Variants in PTPRK observed in about 807,000 individuals in gnomAD.
PTPRK encodes protein tyrosine phosphatase receptor type K.
A neutral mutation model predicts 178.0 loss-of-function variants in PTPRK; 75 were observed. That is an observed-to-expected ratio of 0.42 (90% confidence interval 0.35 to 0.51). The LOEUF (loss-of-function observed/expected upper bound fraction) is 0.51, where lower values mean the gene tolerates loss of function less well. PTPRK is among the 20% of genes least tolerant of loss of function. PTPRK has a pLI of 0.02. For synonymous variants in PTPRK, 637 were observed against 620.6 expected (o/e 1.03, Z -0.39); for missense variants, 1,441 against 1,797.8 (o/e 0.80, Z 3.59).
intron 7 of PTPRK, among the ~76,000 whole-genome samples, chr6:128,133,138 AAAAC>A (rs142072799): frequency 3.9e-5 from 6 of 152,354 alleles, no homozygotes; most frequent in Middle Eastern, 3.4e-3. Flanking sequence ...TGTATGTTGA[AAAAC>A]AAACAGAAAT....
At chr6:128,258,245 T>C (rs1382126278) in intron 3 of PTPRK, among the ~76,000 whole-genome samples, 1 of 152,174 alleles carries the variant, frequency 6.6e-6, no homozygotes, top group African/African-American at 2.4e-5. Flanking sequence ...TGAAATTCCT[T>C]AAAATTTCTA....
intron 1 of PTPRK, among the ~76,000 whole-genome samples, chr6:128,398,328 A>G (rs1056462073): frequency 6.6e-6 from 1 of 152,142 alleles, no homozygotes; most frequent in Non-Finnish European, 1.5e-5. Context: ...GAAAACAAGG[A>G]AGTTTGCAAA....
At chr6:127,973,635 T>A (rs1332000252) in intron 28 of PTPRK, 29 bp downstream of exon 28, 2 of 1,609,200 alleles carry the variant, frequency 1.2e-6, no homozygotes, top group Non-Finnish European at 1.7e-6. Context: ...CAAGGCCCCA[T>A]GAATGACAGG....
chr6:128,159,823 C>T (rs1294575292), intron 7 of PTPRK, among the ~76,000 whole-genome samples: 1 of 151,662 alleles, frequency 6.6e-6, no homozygotes, highest in Non-Finnish European at 1.5e-5. Context: ...CAATCACTTC[C>T]ATGGCAATAG....
chr6:128,465,715 G>T (rs1159234746), intron 1 of PTPRK, among the ~76,000 whole-genome samples: 1 of 152,102 alleles, frequency 6.6e-6, no homozygotes, highest in Non-Finnish European at 1.5e-5. Flanking sequence ...GCTATTGAAT[G>T]ACAAGCTCTC....
In PTPRK at chr6:128,020,921, C is replaced by T. The variant is rs373331401; in HGVS notation, c.2195-11653G>A. ...AGAATACACAACATGGTTTAAATCACGTTAATAGAGGTTGCACTACAATTT... is the reference window on the plus strand; with the variant it reads ...AGAATACACAACATGGTTTAAATCATGTTAATAGAGGTTGCACTACAATTT... On this transcript the variant is annotated intron_variant, in intron 13 of 29. Coordinates refer to ENST00000368226, the MANE Select transcript of PTPRK (RefSeq NM_002844.4). Among the ~76,000 whole-genome samples, 14 of 152,132 alleles carry T rather than the reference C, an allele frequency of 9.2e-5. No individual in the cohort carries two copies. In the South Asian group the frequency reaches 1.9e-3, roughly 20 times the overall value.
chr6:128,083,605 T>C (rs1785212673), intron 9 of PTPRK, 110 bp downstream of exon 9: 1 of 474,178 alleles, frequency 2.1e-6, no homozygotes, highest in Non-Finnish European at 3.6e-6. Context: ...ATGATTTTAA[T>C]CCCCTAATCC....
chr6:128,448,150 C>T (rs1847278047), intron 1 of PTPRK, among the ~76,000 whole-genome samples: 1 of 152,158 alleles, frequency 6.6e-6, no homozygotes, highest in Admixed American at 6.5e-5. Context: ...CTGACTCTCC[C>T]AGTAGATGAC....
chr6:128,386,704 AT>A (rs1292913207), intron 2 of PTPRK, among the ~76,000 whole-genome samples: 1 of 152,194 alleles, frequency 6.6e-6, no homozygotes, highest in African/African-American at 2.4e-5. Context: ...ATTGTTTAAT[AT>A]TGCGTGACAC....
chr6:128,473,111 G>A (rs1850918324), intron 1 of PTPRK, among the ~76,000 whole-genome samples: 2 of 151,990 alleles, frequency 1.3e-5, no homozygotes, highest in African/African-American at 4.8e-5. Context: ...ATGGCATTTA[G>A]TTTCAACTCA....
At chr6:128,228,405 G>A (rs1230333138) in intron 5 of PTPRK, among the ~76,000 whole-genome samples, 1 of 151,474 alleles carries the variant, frequency 6.6e-6, no homozygotes, top group East Asian at 1.9e-4. Flanking sequence ...CCAACACTTT[G>A]GGAGGCCGAG....
intron 2 of PTPRK, among the ~76,000 whole-genome samples, chr6:128,387,486 C>T (rs1310131603): frequency 6.6e-6 from 1 of 152,144 alleles, no homozygotes; most frequent in Non-Finnish European, 1.5e-5. Context: ...ATTTAGGAAT[C>T]TTATTCCACC....
At chr6:128,243,382 G>A (rs560092722) in intron 3 of PTPRK, among the ~76,000 whole-genome samples, 9 of 150,380 alleles carry the variant, frequency 6.0e-5, no homozygotes, top group South Asian at 2.1e-4. Context: ...GGCTGGGTGC[G>A]GTAACTCACA....
At chr6:128,004,570 A>T (rs1778208946) in intron 15 of PTPRK, among the ~76,000 whole-genome samples, 1 of 151,788 alleles carries the variant, frequency 6.6e-6, no homozygotes, top group African/African-American at 2.4e-5. Flanking sequence ...ACTTAAGAGC[A>T]TGTAGACTAA....
chr6:128,226,503 T>C (rs1008054848), intron 5 of PTPRK, among the ~76,000 whole-genome samples: 21 of 151,982 alleles, frequency 1.4e-4, no homozygotes, highest in Admixed American at 3.9e-4. Context: ...TCCTAGATAG[T>C]CTGAGTGGAC....
intron 7 of PTPRK, among the ~76,000 whole-genome samples, chr6:128,135,713 A>AT (rs1794919427): frequency 6.6e-6 from 1 of 152,266 alleles, no homozygotes; most frequent in East Asian, 1.9e-4. Flanking sequence ...CTAATTCCAT[A>AT]TGCTGTTGAT....
intron 6 of PTPRK, among the ~76,000 whole-genome samples, chr6:128,207,832 G>A (rs1249675101): frequency 6.6e-6 from 1 of 152,036 alleles, no homozygotes; most frequent in East Asian, 1.9e-4. Context: ...TTTCACTGAC[G>A]CTAAGAGATC....
At chr6:128,324,299 G>A (rs1056817517) in intron 2 of PTPRK, among the ~76,000 whole-genome samples, 1 of 151,922 alleles carries the variant, frequency 6.6e-6, no homozygotes, top group East Asian at 1.9e-4. Flanking sequence ...ATGATTTATT[G>A]GCTTTCTAAT....
intron 29 of PTPRK, among the ~76,000 whole-genome samples, chr6:127,970,718 A>T (rs951022043): frequency 3.9e-5 from 6 of 152,086 alleles, no homozygotes; most frequent in Admixed American, 2.0e-4. Context: ...GCATGGTTGA[A>T]ATAATTATCT....
Sources: gnomAD v4.1 joint callset for allele counts (sites outside exome capture counted in the v4.1 genomes callset) on GRCh38, gnomAD v4.1.1 for gene constraint, MANE v1.5 for transcripts, NCBI Gene and HGNC (gene_info 2026-07-23, HGNC 2026-07-21) for gene names.